Variants in TNFRSF19 observed in about 807,000 individuals in gnomAD.
TNFRSF19 encodes tumor necrosis factor receptor superfamily member 19.
Under a neutral mutation model 46.4 loss-of-function variants are expected in TNFRSF19, and 27 were observed. The observed-to-expected ratio is 0.58, with a 90% CI of 0.43 to 0.80. The LOEUF (loss-of-function observed/expected upper bound fraction) is 0.80, where lower values mean the gene tolerates loss of function less well. Ranked by LOEUF, TNFRSF19 falls within the 30% of genes least tolerant of loss-of-function variation. TNFRSF19 has a pLI of 0.00. For synonymous variants in TNFRSF19, 204 were observed against 205.0 expected (o/e 1.00, Z 0.04); for missense variants, 511 against 530.8 (o/e 0.96, Z 0.37).
chr13:23,673,443 G>A lies in TNFRSF19; in HGVS notation c.*63G>A. 2 of 1,564,408 alleles carry A rather than the reference G, an allele frequency of 1.3e-6. No individual in the cohort carries two copies. The highest frequency in any genetic ancestry group is 1.7e-6 in the Non-Finnish European group (2 of 1,152,112). On this transcript the variant is annotated 3_prime_UTR_variant, in exon 10 of 10. Transcript: ENST00000248484. ...AACCCAAAGAGTACTCCTTTGTTAGGCTTATGGACTGAGCAGTCTGGACCT... is the reference window on the plus strand; with the variant it reads ...AACCCAAAGAGTACTCCTTTGTTAGACTTATGGACTGAGCAGTCTGGACCT...
intron 1 of TNFRSF19, among the ~76,000 whole-genome samples, chr13:23,575,273 C>T (rs961246398): frequency 6.6e-6 from 1 of 152,216 alleles, no homozygotes; most frequent in African/African-American, 2.4e-5. Flanking sequence ...GCAAGTGCTG[C>T]AACTTGTAAC....
At position 23,652,165 on chromosome 13, in the gene TNFRSF19, G is replaced by A. The variant is rs1306835967; in HGVS notation, c.446-6885G>A. Reference sequence around the variant, plus strand: ...ACTTTTGTACAAAAGACAAATATAGGTTCCTGTGGTTAACTGCTCTCTAGG... The same window carrying A: ...ACTTTTGTACAAAAGACAAATATAGATTCCTGTGGTTAACTGCTCTCTAGG... On this transcript the variant is annotated intron_variant, in intron 5 of 9. Coordinates refer to ENST00000248484, the MANE Select transcript of TNFRSF19 (RefSeq NM_148957.4). 2.0e-5 allele frequency among the ~76,000 whole-genome samples: 3 copies of A among 152,250 alleles called. No homozygotes were observed. In the South Asian group the frequency reaches 6.2e-4, roughly 32 times the overall value.
chr13:23,627,862 G>A (rs1008717656), intron 5 of TNFRSF19, among the ~76,000 whole-genome samples: 2 of 152,132 alleles, frequency 1.3e-5, no homozygotes, highest in Non-Finnish European at 2.9e-5. Flanking sequence ...CCATATTAGT[G>A]TGTCCTTTAC....
At chr13:23,622,576 T>C (rs1017749424) in intron 4 of TNFRSF19, among the ~76,000 whole-genome samples, 9 of 152,164 alleles carry the variant, frequency 5.9e-5, no homozygotes, top group Non-Finnish European at 1.0e-4. Flanking sequence ...CTCTAAACTG[T>C]TTTGTCACAA....
intron 5 of TNFRSF19, among the ~76,000 whole-genome samples, chr13:23,658,627 A>G (rs1283209435): frequency 6.6e-6 from 1 of 152,224 alleles, no homozygotes; most frequent in Non-Finnish European, 1.5e-5. Flanking sequence ...CCCAAAAAGC[A>G]TACATGCATT....
intron 1 of TNFRSF19, among the ~76,000 whole-genome samples, chr13:23,571,969 A>G (rs569475627): frequency 7.6e-4 from 116 of 152,116 alleles, no homozygotes; most frequent in Non-Finnish European, 1.5e-3. Context: ...TAAAGAAACC[A>G]TAAGTGATAA....
chr13:23,630,039 C>T (rs892035505), intron 5 of TNFRSF19, among the ~76,000 whole-genome samples: 3 of 152,144 alleles, frequency 2.0e-5, no homozygotes, highest in African/African-American at 7.2e-5. Flanking sequence ...TGCTGTGGCT[C>T]ACGCCTGTAA....
At chr13:23,634,536 G>A (rs572094323) in intron 5 of TNFRSF19, among the ~76,000 whole-genome samples, 1 of 152,208 alleles carries the variant, frequency 6.6e-6, no homozygotes, top group East Asian at 1.9e-4. Context: ...TCATTAAGCT[G>A]TGGACTTAGT....
chr13:23,603,106 C>T (rs138303818), intron 3 of TNFRSF19, among the ~76,000 whole-genome samples: 1 of 151,954 alleles, frequency 6.6e-6, no homozygotes, highest in African/African-American at 2.4e-5. Flanking sequence ...TCTAACTAGG[C>T]CAACTTAGAA....
At chr13:23,628,437 G>A (rs781593414) in intron 5 of TNFRSF19, among the ~76,000 whole-genome samples, 3 of 152,188 alleles carry the variant, frequency 2.0e-5, no homozygotes, top group African/African-American at 4.8e-5. Context: ...CTGTAGGTCA[G>A]CCCAGCCACC....
rs1884200568 is a variant in TNFRSF19, at chr13:23,659,459, T to C, written c.610+245T>C. Among the ~76,000 whole-genome samples the C allele has an allele frequency of 6.6e-6, 1 of 152,160 alleles. No individual in the cohort carries two copies. The highest frequency in any genetic ancestry group is 1.5e-5 in the Non-Finnish European group (1 of 68,022). On this transcript the variant is annotated intron_variant, in intron 6 of 9. Transcript: ENST00000248484. This position sits in a 1 kb window ranked among gnomAD's most constrained non-coding sequence, Gnocchi z 4.9. ...AATAGCCTATTGTTGACGGGAAGCC[T>C]TACTGATAAACAGTTGGTTAATACA...
chr13:23,667,286 C>T (rs767158104), intron 7 of TNFRSF19, among the ~76,000 whole-genome samples: 17 of 152,086 alleles, frequency 1.1e-4, no homozygotes, highest in Admixed American at 6.5e-5. Context: ...ATCTTTGTAG[C>T]ACAAAATACA....
chr13:23,668,932 T>A lies in TNFRSF19; in HGVS notation c.1080T>A (p.Val360=). The A allele has an allele frequency of 6.2e-7, 1 of 1,614,234 alleles. No homozygotes were observed. Among genetic ancestry groups the A allele is most frequent in the Non-Finnish European group, 8.5e-7 (1 of 1,180,042 alleles). ...NSSQDLVGGA[V]PVQSHSENFT... is the part of the protein sequence containing the mutation. ...GTCAAGATTTGGTTGGTGGGGCTGT[T>A]CCAGTCCAGTCTCATTCTGAAAACT... The change falls in exon 9 of 10, where the codon GTT becomes GTA. Residue 360 remains valine, a synonymous_variant. Transcript: ENST00000248484.
chr13:23,611,892 C>CT (rs1212450250), intron 3 of TNFRSF19, among the ~76,000 whole-genome samples: 1 of 152,158 alleles, frequency 6.6e-6, no homozygotes, highest in East Asian at 1.9e-4. Context: ...GGAATACTCT[C>CT]TATTTGCTGA....
intron 3 of TNFRSF19, among the ~76,000 whole-genome samples, chr13:23,604,682 C>T (rs1667731808): frequency 6.6e-6 from 1 of 152,026 alleles, no homozygotes; most frequent in African/African-American, 2.4e-5. Context: ...GAATAGAGAG[C>T]CCAGGAATAG....
chr13:23,611,109 GACAC>G (rs928715202), intron 3 of TNFRSF19, among the ~76,000 whole-genome samples: 3 of 137,838 alleles, frequency 2.2e-5, no homozygotes, highest in South Asian at 2.5e-4. Context: ...CCCCTCACCA[GACAC>G]ACACACACAT....
intron 3 of TNFRSF19, among the ~76,000 whole-genome samples, chr13:23,605,584 G>A (rs988778406): frequency 4.6e-5 from 7 of 152,100 alleles, no homozygotes; most frequent in African/African-American, 1.7e-4. Flanking sequence ...AGTAAGGGGT[G>A]GGTAAATAAG....
At chr13:23,581,534 G>T (rs927057383) in intron 1 of TNFRSF19, among the ~76,000 whole-genome samples, 2 of 152,110 alleles carry the variant, frequency 1.3e-5, no homozygotes, top group African/African-American at 4.8e-5. Context: ...TAAAGGGACA[G>T]AACTTTTTTT....
chr13:23,604,264 C>T (rs2138219909), intron 3 of TNFRSF19, among the ~76,000 whole-genome samples: 1 of 151,306 alleles, frequency 6.6e-6, no homozygotes, highest in East Asian at 1.9e-4. Context: ...TTAGCACCCC[C>T]CCCAAAATAA....
Sources: allele counts gnomAD v4.1 joint callset (sites outside exome capture counted in the v4.1 genomes callset), GRCh38; gene constraint gnomAD v4.1.1; non-coding constraint Gnocchi (gnomAD v3.1); transcripts MANE v1.5; gene names NCBI Gene and HGNC (gene_info 2026-07-23, HGNC 2026-07-21).